The following ACVR2B variants were observed in gnomAD, a reference collection of about 807,000 sequenced individuals.
ACVR2B encodes activin A receptor type 2B, also known as activin receptor type-2B.
A neutral mutation model predicts 65.1 loss-of-function variants in ACVR2B; 18 were observed. The observed-to-expected ratio is 0.28, with a 90% CI of 0.19 to 0.41. The LOEUF is 0.41. ACVR2B is among the 10% of genes least tolerant of loss of function. The pLI, the probability that ACVR2B is intolerant of heterozygous loss-of-function variation, is 1.00. For synonymous variants in ACVR2B, 298 were observed against 277.7 expected, an observed-to-expected ratio of 1.07 and a Z score of -0.73; for missense variants, 482 against 682.7, an observed-to-expected ratio of 0.71 and a Z score of 3.28.
chr3:38,457,249 C>G (rs1709565387), intron 1 of ACVR2B, among the ~76,000 whole-genome samples: 2 of 152,178 alleles, frequency 1.3e-5, no homozygotes, highest in Admixed American at 6.5e-5. Context: ...AAAGTAATTT[C>G]AGCCTGAGAT....
chr3:38,461,941 C>G (rs887717608), intron 1 of ACVR2B, among the ~76,000 whole-genome samples: 1 of 152,062 alleles, frequency 6.6e-6, no homozygotes, highest in African/African-American at 2.4e-5. Flanking sequence ...GCCTGTAATC[C>G]CAGCACTTTG....
At position 38,483,479 on chromosome 3, in the gene ACVR2B, A is replaced by T. The variant is rs890836309; in HGVS notation, c.*147A>T. The T allele has an allele frequency of 8.3e-5, 25 of 301,186 alleles. No homozygotes were observed. Among genetic ancestry groups the T allele is most frequent in the African/African-American group, 2.3e-4 (10 of 44,112 alleles). 18.7% of individuals were successfully genotyped at this position (301,186 alleles called of 1,614,324 possible). On this transcript the variant is annotated 3_prime_UTR_variant, in exon 11 of 11. Transcript: ENST00000352511. The surrounding 1 kb of genome is among the most constrained non-coding windows in gnomAD (Gnocchi z 4.8). ...CTTGACTTTTTATTATTATTATTATAATTATTATAATTATTATTATTAATA... is the reference window on the plus strand; with the variant it reads ...CTTGACTTTTTATTATTATTATTATTATTATTATAATTATTATTATTAATA...
chr3:38,481,184 C>T lies in ACVR2B; in HGVS notation c.960-167C>T, dbSNP rs1043603072. ...CACTGAGGGATTCTCACACCCATGTCGGCGCCTGCAGCTGCCTGCTTGTGC... is the reference window on the plus strand; with the variant it reads ...CACTGAGGGATTCTCACACCCATGTTGGCGCCTGCAGCTGCCTGCTTGTGC... On this transcript the variant is annotated intron_variant, in intron 7 of 10. Coordinates refer to ENST00000352511, the MANE Select transcript of ACVR2B (RefSeq NM_001106.4). The surrounding 1 kb of genome is among the most constrained non-coding windows in gnomAD (Gnocchi z 4.7). Among the ~76,000 whole-genome samples, 2 of 152,136 alleles carry T rather than the reference C, an allele frequency of 1.3e-5. No homozygotes were observed. The highest frequency in any genetic ancestry group is 2.1e-4 in the South Asian group (1 of 4,824).
At chr3:38,478,119 C>T (rs1421426427) in intron 3 of ACVR2B, 22 bp from the exon 4 acceptor site, 2 of 1,611,196 alleles carry the variant, frequency 1.2e-6, no homozygotes. Context: ...CTGTTTGACA[C>T]AGGGCTCTGT....
intron 1 of ACVR2B, among the ~76,000 whole-genome samples, chr3:38,468,579 G>A (rs1160322497): frequency 6.6e-6 from 1 of 152,174 alleles, no homozygotes; most frequent in African/African-American, 2.4e-5. Context: ...GGATCTGACT[G>A]TACCTTACTA....
intron 1 of ACVR2B, among the ~76,000 whole-genome samples, chr3:38,465,276 G>T (rs1210215118): frequency 6.6e-6 from 1 of 151,702 alleles, no homozygotes; most frequent in Non-Finnish European, 1.5e-5. Context: ...GCAGGCACCT[G>T]TAATCCCAGC....
chr3:38,473,970 C>T (rs1709864368), intron 1 of ACVR2B: 1 of 152,384 alleles, frequency 6.6e-6, no homozygotes, highest in African/African-American at 2.4e-5. Context: ...CAACCTCCGC[C>T]TCCTGGGTTC....
chr3:38,473,092 G>A (rs958154354), intron 1 of ACVR2B, among the ~76,000 whole-genome samples: 1 of 152,198 alleles, frequency 6.6e-6, no homozygotes, highest in Non-Finnish European at 1.5e-5. Flanking sequence ...GTCCTGCCAG[G>A]AGGGATGGTT....
chr3:38,479,241 G>A lies in ACVR2B; in HGVS notation c.780G>A (p.Glu260=), dbSNP rs1709974761. The part of the protein sequence containing the change: ...AEKRGSNLEV[E]LWLITAFHDK... ...AGCGAGGCTCCAACCTCGAAGTAGA[G>A]CTGTGGCTCATCACGGCCTTCCATG... The change falls in exon 6 of 11, where the codon GAG becomes GAA. Residue 260 remains glutamate (E), a synonymous_variant. Transcript: ENST00000352511. The A allele has an allele frequency of 1.1e-5, 18 of 1,614,074 alleles. No homozygotes were observed. Among genetic ancestry groups the A allele is most frequent in the Admixed American group, 6.7e-5 (4 of 60,004 alleles).
intron 7 of ACVR2B, among the ~76,000 whole-genome samples, chr3:38,480,289 A>G (rs1004717800): frequency 1.3e-5 from 2 of 152,128 alleles, no homozygotes; most frequent in African/African-American, 2.4e-5. Flanking sequence ...AAATAAATGA[A>G]AATAATTTTG....
At chr3:38,460,381 T>G (rs1304047273) in intron 1 of ACVR2B, among the ~76,000 whole-genome samples, 1 of 152,184 alleles carries the variant, frequency 6.6e-6, no homozygotes, top group African/African-American at 2.4e-5. Context: ...TGCTGCTGCC[T>G]TCTTCTGACT....
Position 38,485,570 on chromosome 3 carries a change from A to G in ACVR2B, c.*2238A>G, listed in dbSNP as rs1195670755. On this transcript the variant is annotated 3_prime_UTR_variant, in exon 11 of 11. Transcript: ENST00000352511. ...GGGCACAGGGTGCTATGGGAGGCCCATTTGCTTCCCTCTCGGAGCTCAGTT... is the reference window on the plus strand; with the variant it reads ...GGGCACAGGGTGCTATGGGAGGCCCGTTTGCTTCCCTCTCGGAGCTCAGTT... 1 of 149,042 alleles carries G rather than the reference A, an allele frequency of 6.7e-6. No individual in the cohort carries two copies. The highest frequency in any genetic ancestry group is 2.0e-4 in the East Asian group (1 of 5,018). The allele number at this position is 149,042 out of a possible 1,614,324, so 9.2% of individuals were successfully genotyped here.
intron 1 of ACVR2B, among the ~76,000 whole-genome samples, chr3:38,455,544 A>C (rs565016615): frequency 3.9e-5 from 6 of 152,156 alleles, no homozygotes; most frequent in Admixed American, 2.6e-4. Flanking sequence ...TCTGCGTCCC[A>C]TTCCCACCCT....
intron 1 of ACVR2B, among the ~76,000 whole-genome samples, chr3:38,457,057 A>G (rs1226034478): frequency 1.3e-5 from 2 of 152,146 alleles, no homozygotes; most frequent in African/African-American, 4.8e-5. Context: ...TACAAAAATT[A>G]GCTGGGTGTG....
rs2059825313 is a variant in ACVR2B, at chr3:38,492,959, T to G, written c.*9627T>G. The G allele has an allele frequency of 6.6e-6, 1 of 152,572 alleles. No homozygotes were observed. Among genetic ancestry groups the G allele is most frequent in the Non-Finnish European group, 1.5e-5 (1 of 68,024 alleles). The allele number at this position is 152,572 out of a possible 1,614,324, so 9.5% of individuals were successfully genotyped here. ...TTAGAAATGAGTGTCAAGTTTGAAA[T>G]TAGATCTGCTAAGTTGGGGTTTTGC... On this transcript the variant is annotated 3_prime_UTR_variant, in exon 11 of 11. Coordinates refer to ENST00000352511, the MANE Select transcript of ACVR2B (RefSeq NM_001106.4).
At chr3:38,482,944 GA>G (rs1710044327) in intron 10 of ACVR2B, among the ~76,000 whole-genome samples, 193 bp from the exon 11 acceptor site, 1 of 152,186 alleles carries the variant, frequency 6.6e-6, no homozygotes, top group African/African-American at 2.4e-5. Context: ...AGCTCAGAAA[GA>G]TGACTGCCAT....
Position 38,483,452 on chromosome 3 carries a change from A to G in ACVR2B, c.*120A>G, listed in dbSNP as rs1710056421. The G allele has an allele frequency of 3.0e-6, 2 of 668,040 alleles. No homozygotes were observed. The highest frequency in any genetic ancestry group is 5.9e-5 in the Admixed American group (2 of 33,692). 41.4% of individuals were successfully genotyped at this position (668,040 alleles called of 1,614,324 possible). On this transcript the variant is annotated 3_prime_UTR_variant, in exon 11 of 11. Transcript: ENST00000352511. The surrounding 1 kb of genome is among the most constrained non-coding windows in gnomAD (Gnocchi z 4.8). ...ACACATAAAATGCAGCTGCTATTTT[A>G]CCTTGACTTTTTATTATTATTATTA...
At chr3:38,460,533 G>T (rs1709627558) in intron 1 of ACVR2B, among the ~76,000 whole-genome samples, 1 of 152,244 alleles carries the variant, frequency 6.6e-6, no homozygotes, top group Non-Finnish European at 1.5e-5. Context: ...CCTTCGGACA[G>T]CCCCATGCTT....
intron 1 of ACVR2B, 164 bp downstream of exon 1, chr3:38,454,538 C>T: frequency 3.6e-6 from 2 of 553,266 alleles, no homozygotes; most frequent in Non-Finnish European, 5.3e-6. Context: ...GGTGGGCGCC[C>T]GGCTCGCCGA....
Sources: gnomAD v4.1 joint callset for allele counts (sites outside exome capture counted in the v4.1 genomes callset) on GRCh38, gnomAD v4.1.1 for gene constraint, Gnocchi (gnomAD v3.1) non-coding constraint, MANE v1.5 for transcripts, NCBI Gene and HGNC (gene_info 2026-07-23, HGNC 2026-07-21) for gene names.